CYB561: variants seen among roughly 807,000 people sequenced by gnomAD.
The protein encoded by CYB561 is transmembrane ascorbate-dependent reductase CYB561.
Under a neutral mutation model 25.3 loss-of-function variants are expected in CYB561, and 11 were observed. That is an observed-to-expected ratio of 0.44 (90% CI 0.27 to 0.72). CYB561 has a LOEUF of 0.72. Among genes scored for constraint, CYB561 ranks in the 30% least tolerant of loss-of-function variants. The pLI is 0.18. For synonymous variants in CYB561, 165 were observed against 158.8 expected (o/e 1.04, Z -0.29); for missense variants, 295 against 334.9 (o/e 0.88, Z 0.93).
chr17:63,439,552 T>A (rs755479178), intron 1 of CYB561, among the ~76,000 whole-genome samples: 6 of 145,968 alleles, frequency 4.1e-5, no homozygotes, highest in Non-Finnish European at 7.6e-5. Context: ...TTTTTTTAAT[T>A]AAAAAAAAAA....
intron 1 of CYB561, among the ~76,000 whole-genome samples, chr17:63,443,111 G>A (rs1218983668): frequency 6.6e-6 from 1 of 152,182 alleles, no homozygotes; most frequent in Non-Finnish European, 1.5e-5. Context: ...TTGCCCTAGA[G>A]CGTCCTAGCA....
Position 63,432,352 on chromosome 17 carries a change from T to C in CYB561, c.*2050A>G, listed in dbSNP as rs2049231908. The C allele has an allele frequency of 6.6e-6, 1 of 152,250 alleles. No homozygotes were observed. The highest frequency in any genetic ancestry group is 2.4e-5 in the African/African-American group (1 of 41,456). 9.4% of individuals were successfully genotyped at this position (152,250 alleles called of 1,614,324 possible). On this transcript the variant is annotated 3_prime_UTR_variant, in exon 6 of 6. Coordinates refer to ENST00000360793, the MANE Select transcript of CYB561 (RefSeq NM_001915.4). ...CATCTGTTGCACCAACAGCACATTGTATTTCACAGAAGATTGGCCACAGGC... is the reference window on the plus strand; with the variant it reads ...CATCTGTTGCACCAACAGCACATTGCATTTCACAGAAGATTGGCCACAGGC...
Position 63,433,789 on chromosome 17 carries a change from G to A in CYB561, c.*613C>T, listed in dbSNP as rs1020936257. Reference sequence around the variant, plus strand: ...CCACCAAAGCCATCCTAGGGCTAAAGGGTTAAAGAAGAGGAAGGTCAGGAC... The same window carrying A: ...CCACCAAAGCCATCCTAGGGCTAAAAGGTTAAAGAAGAGGAAGGTCAGGAC... On this transcript the variant is annotated 3_prime_UTR_variant, in exon 6 of 6. Coordinates refer to ENST00000360793, the MANE Select transcript of CYB561 (RefSeq NM_001915.4). 4.2e-5 allele frequency: 8 copies of A among 190,622 alleles called. No individual in the cohort carries two copies. The highest frequency in any genetic ancestry group is 6.1e-5 in the Admixed American group (1 of 16,400). 11.8% of individuals were successfully genotyped at this position (190,622 alleles called of 1,614,324 possible).
rs1599117361 is a variant in CYB561 at position 63,437,049 on chromosome 17, C to T, written c.202+297G>A. ...AATTCAAACCACCCCTGCAGCAGGG[C>T]CTGGCTCGGAGCCTCATTCCTTTCC... On this transcript the variant is annotated intron_variant, in intron 2 of 5. Transcript: ENST00000360793. 6.3e-6 allele frequency: 3 copies of T among 476,646 alleles called. No individual in the cohort carries two copies. The East Asian group carries it at 1.1e-4, about 17-fold the overall frequency. The allele number at this position is 476,646 out of a possible 1,614,324, so 29.5% of individuals were successfully genotyped here.
chr17:63,443,775 G>A (rs1159468761), intron 1 of CYB561, among the ~76,000 whole-genome samples: 1 of 152,088 alleles, frequency 6.6e-6, no homozygotes, highest in Non-Finnish European at 1.5e-5. Context: ...CTACAGCTAT[G>A]CTGAAATGCC....
intron 1 of CYB561, among the ~76,000 whole-genome samples, chr17:63,439,754 C>T (rs886320571): frequency 2.6e-4 from 39 of 152,206 alleles, no homozygotes; most frequent in Non-Finnish European, 5.3e-4. Context: ...GAGGGCGTAG[C>T]ACACATGGAT....
At position 63,433,569 on chromosome 17, in the gene CYB561, A is replaced by AGAGCCTGGGT. The variant is rs1286527663; in HGVS notation, c.*823_*832dup. 5.2e-4 allele frequency: 201 copies of AGAGCCTGGGT among 388,620 alleles called. No homozygotes were observed. The highest frequency in any genetic ancestry group is 3.9e-3 in the African/African-American group (188 of 48,474). The allele number at this position is 388,620 out of a possible 1,614,324, so 24.1% of individuals were successfully genotyped here. A position where few individuals can be genotyped will look rare whatever the true frequency, so the allele number is the denominator to read the frequency against. On this transcript the variant is annotated 3_prime_UTR_variant, in exon 6 of 6. Coordinates refer to ENST00000360793, the MANE Select transcript of CYB561 (RefSeq NM_001915.4). ...GTGCCCTCTGCCTCCCAGCCTGAGC[A>AGAGCCTGGGT]GAGCCTGGGTGAGCCTGGGAGAGGA...
At position 63,433,050 on chromosome 17, in the gene CYB561, GTTC is replaced by G. The variant is rs951581731; in HGVS notation, c.*1349_*1351del. On this transcript the variant is annotated 3_prime_UTR_variant, in exon 6 of 6. Transcript: ENST00000360793. ...CAGATCCAAGAAGCACATGATCGGT[GTTC>G]TTTTTTTTTTCTTTTTTGAGCCTGT... 16 of 223,864 alleles carry G rather than the reference GTTC, an allele frequency of 7.1e-5. 1 individual carries two copies. The highest frequency in any genetic ancestry group is 4.5e-5 in the African/African-American group (2 of 44,144). The allele number at this position is 223,864 out of a possible 1,614,324, so 13.9% of individuals were successfully genotyped here.
At chr17:63,437,605 G>A (rs776156369) in intron 1 of CYB561, 45 bp from the exon 2 acceptor site, 15 of 1,510,966 alleles carry the variant, frequency 9.9e-6, no homozygotes, top group East Asian at 4.8e-5. Flanking sequence ...ACAGCACCCC[G>A]AGATGCGCAC....
intron 1 of CYB561, chr17:63,438,287 C>A: frequency 7.2e-7 from 1 of 1,384,142 alleles, no homozygotes; most frequent in South Asian, 1.2e-5. Context: ...AAGCGCGCTC[C>A]TTGACGGGAA....
intron 1 of CYB561, chr17:63,438,038 C>T: frequency 6.6e-7 from 1 of 1,525,104 alleles, no homozygotes. Flanking sequence ...AGCCCCTTCC[C>T]ACCCATCGTC....
intron 1 of CYB561, among the ~76,000 whole-genome samples, chr17:63,444,705 A>C (rs1033746267): frequency 1.3e-5 from 2 of 152,232 alleles, no homozygotes; most frequent in Non-Finnish European, 2.9e-5. Flanking sequence ...GTATATTCCC[A>C]AAATTCATTT....
At position 63,435,218 on chromosome 17, in the gene CYB561, A is replaced by G; in HGVS notation, c.431T>C (p.Leu144Pro). The G allele has an allele frequency of 6.2e-7, 1 of 1,613,860 alleles. No homozygotes were observed. Among genetic ancestry groups the G allele is most frequent in the Non-Finnish European group, 8.5e-7 (1 of 1,179,958 alleles). ...CAGGGAGAATGAAGCTCCGGGGAAC[A>G]GGAAGAAGCTGAAGCCCACCAGCCA... ...VQWLVGFSFF[L>P]FPGASFSLRS... Residue 144 changes from leucine (L) to proline (P), a missense_variant, in exon 5 of 6, where the codon CTG becomes CCG. Coordinates refer to ENST00000360793, the MANE Select transcript of CYB561 (RefSeq NM_001915.4).
intron 1 of CYB561, chr17:63,439,080 G>C (rs900905741): frequency 6.6e-6 from 1 of 152,322 alleles, no homozygotes; most frequent in Non-Finnish European, 1.5e-5. Flanking sequence ...GGGGGACAGT[G>C]GCCAGCACAG....
chr17:63,446,619 T>C (rs1409699364), upstream of CYB561, among the ~76,000 whole-genome samples: 3 of 151,996 alleles, frequency 2.0e-5, no homozygotes, highest in African/African-American at 7.2e-5. Context: ...GATTCGTCCT[T>C]GCGAGCCCCG....
chr17:63,441,901 C>A (rs1287930819), intron 1 of CYB561, among the ~76,000 whole-genome samples: 1 of 152,230 alleles, frequency 6.6e-6, no homozygotes, highest in Non-Finnish European at 1.5e-5. Flanking sequence ...CTGGTGCGTG[C>A]AAGACAGCAG....
rs187619198 is a variant in CYB561 at position 63,433,079 on chromosome 17, C to T, written c.*1323G>A. The T allele has an allele frequency of 2.3e-3, 656 of 282,670 alleles. 3 individuals are homozygous for T. The highest frequency in any genetic ancestry group is 3.2e-3 in the Non-Finnish European group (486 of 153,466). The allele number at this position is 282,670 out of a possible 1,614,324, so 17.5% of individuals were successfully genotyped here. Reference sequence around the variant, plus strand: ...TTTTTTTTTTCTTTTTTGAGCCTGTCGCCCAGGCTGGAGTGCAATCTCAGC... The same window carrying T: ...TTTTTTTTTTCTTTTTTGAGCCTGTTGCCCAGGCTGGAGTGCAATCTCAGC... On this transcript the variant is annotated 3_prime_UTR_variant, in exon 6 of 6. Transcript: ENST00000360793.
rs1351153804 is a variant in CYB561 at position 63,436,134 on chromosome 17, A to G, written c.221T>C (p.Val74Ala). The G allele has an allele frequency of 6.2e-7, 1 of 1,613,946 alleles. No individual in the cohort carries two copies. The highest frequency in any genetic ancestry group is 1.3e-5 in the African/African-American group (1 of 74,904). Reference sequence around the variant, plus strand: ...GGTGCGTTTAGCTTCGTTCCTGAAGACACGGTAAACCAGCAGGGCTGTGGG... The same window carrying G: ...GGTGCGTTTAGCTTCGTTCCTGAAGGCACGGTAAACCAGCAGGGCTGTGGG... ...LQGNALLVYR[V>A]FRNEAKRTTK... is the part of the protein sequence containing the mutation. Residue 74 changes from valine to alanine, a missense_variant, in exon 3 of 6, where the codon GTC becomes GCC. Val to Ala is a moderately conservative substitution (Grantham distance 64). Transcript: ENST00000360793. This position sits in a 1 kb window ranked among gnomAD's most constrained non-coding sequence, Gnocchi z 4.8.
intron 1 of CYB561, among the ~76,000 whole-genome samples, chr17:63,443,994 A>G (rs1474374014): frequency 1.3e-5 from 2 of 150,650 alleles, no homozygotes; most frequent in Admixed American, 1.3e-4. Flanking sequence ...ATGCAGTTGT[A>G]AAATATAATT....
Sources: allele counts gnomAD v4.1 joint callset (sites outside exome capture counted in the v4.1 genomes callset), GRCh38; gene constraint gnomAD v4.1.1; non-coding constraint Gnocchi (gnomAD v3.1); transcripts MANE v1.5; gene names NCBI Gene and HGNC (gene_info 2026-07-23, HGNC 2026-07-21).